SNTG1: variants seen among roughly 807,000 people sequenced by gnomAD.
The protein encoded by SNTG1 is syntrophin gamma 1, also known as gamma-1-syntrophin.
SNTG1 carries 39 observed loss-of-function variants against 74.7 expected under a neutral mutation model. The observed-to-expected ratio is 0.52, with a 90% CI of 0.40 to 0.68. The LOEUF (loss-of-function observed/expected upper bound fraction) is 0.68. Among genes scored for constraint, SNTG1 ranks in the 30% least tolerant of loss-of-function variants. The pLI is 0.00. For synonymous variants in SNTG1, 254 were observed against 217.1 expected, an observed-to-expected ratio of 1.17 and a Z score of -1.49; for missense variants, 685 against 609.5, an observed-to-expected ratio of 1.12 and a Z score of -1.30.
In SNTG1 at chr8:50,410,530, G is replaced by T. The variant is rs368249583; in HGVS notation, c.162+8186G>T. ...AGGTGTATAATATGATGACTTGATA[G>T]ATATATATACATACACATTGTGTAA... On this transcript the variant is annotated intron_variant, in intron 4 of 18. Coordinates refer to ENST00000642720, the MANE Select transcript of SNTG1 (RefSeq NM_018967.5). Among the ~76,000 whole-genome samples the T allele has an allele frequency of 3.4e-4, 52 of 152,002 alleles. No individual in the cohort carries two copies. The East Asian group carries it at 8.1e-3, about 24-fold the overall frequency.
intron 11 of SNTG1, among the ~76,000 whole-genome samples, chr8:50,541,992 CAG>C (rs2094350604): frequency 6.8e-6 from 1 of 147,814 alleles, no homozygotes; most frequent in South Asian, 2.1e-4. Flanking sequence ...CTGCAAATGA[CAG>C]AATTTCATTT....
chr8:50,561,952 C>G (rs561045208), intron 12 of SNTG1, among the ~76,000 whole-genome samples: 1 of 152,230 alleles, frequency 6.6e-6, no homozygotes, highest in East Asian at 1.9e-4. Context: ...TCCTTAGGGT[C>G]AAAATAGTCC....
intron 2 of SNTG1, among the ~76,000 whole-genome samples, chr8:50,317,521 G>T (rs553444669): frequency 1.3e-5 from 2 of 152,322 alleles, no homozygotes; most frequent in Non-Finnish European, 2.9e-5. Flanking sequence ...GCAATGTGAA[G>T]AATAGTCAGG....
At chr8:50,126,119 G>A (rs1035867691) in intron 1 of SNTG1, among the ~76,000 whole-genome samples, 1 of 152,102 alleles carries the variant, frequency 6.6e-6, no homozygotes, top group Non-Finnish European at 1.5e-5. Flanking sequence ...CACTGAGAAA[G>A]GTGAAGTGAA....
At chr8:50,454,372 C>T (rs1245138441) in intron 8 of SNTG1, among the ~76,000 whole-genome samples, 2 of 151,952 alleles carry the variant, frequency 1.3e-5, no homozygotes, top group Non-Finnish European at 2.9e-5. Flanking sequence ...TGGCATGCAC[C>T]TGTAACCCCA....
At chr8:50,648,237 C>T (rs999557344) in intron 13 of SNTG1, among the ~76,000 whole-genome samples, 4 of 152,076 alleles carry the variant, frequency 2.6e-5, no homozygotes, top group African/African-American at 4.8e-5. Context: ...AAACTGCATA[C>T]AGTGATGATA....
intron 1 of SNTG1, among the ~76,000 whole-genome samples, chr8:49,938,964 C>T (rs1472893970): frequency 6.6e-6 from 1 of 151,982 alleles, no homozygotes; most frequent in Non-Finnish European, 1.5e-5. Flanking sequence ...TTTTACCAGT[C>T]TGTCTCCTAG....
chr8:50,324,148 G>A (rs903026669), intron 2 of SNTG1, among the ~76,000 whole-genome samples: 1 of 152,164 alleles, frequency 6.6e-6, no homozygotes, highest in African/African-American at 2.4e-5. Context: ...CAACTGCTGG[G>A]ATGGGCCATT....
At chr8:50,561,727 G>A (rs1039125944) in intron 12 of SNTG1, among the ~76,000 whole-genome samples, 3 of 152,074 alleles carry the variant, frequency 2.0e-5, no homozygotes, top group Non-Finnish European at 2.9e-5. Context: ...AATAGATTAC[G>A]GAATCAGAAG....
At position 50,650,368 on chromosome 8, in the gene SNTG1, C is replaced by T. The variant is rs2095137365; in HGVS notation, c.850-6541C>T. On this transcript the variant is annotated intron_variant, in intron 13 of 18. Coordinates refer to ENST00000642720, the MANE Select transcript of SNTG1 (RefSeq NM_018967.5). Reference sequence around the variant, plus strand: ...TAAAGAATGATTTAAATGTAAATTTCCCTTTTTATAAATATTCTTGTCAGG... The same window carrying T: ...TAAAGAATGATTTAAATGTAAATTTTCCTTTTTATAAATATTCTTGTCAGG... Among the ~76,000 whole-genome samples the T allele has an allele frequency of 2.6e-5, 4 of 152,068 alleles. No homozygotes were observed. The South Asian group carries it at 8.3e-4, about 32-fold the overall frequency.
intron 15 of SNTG1, among the ~76,000 whole-genome samples, chr8:50,701,753 T>C (rs1175645174): frequency 2.4e-5 from 2 of 83,880 alleles, no homozygotes; most frequent in Non-Finnish European, 4.7e-5. Context: ...TTCTCCTTCT[T>C]CTCCTTCTTC....
intron 1 of SNTG1, among the ~76,000 whole-genome samples, chr8:50,058,734 TTGTGTGTGTGTGTGTG>T (rs71235777): frequency 6.9e-6 from 1 of 145,762 alleles, no homozygotes; most frequent in East Asian, 2.0e-4. Context: ...TTACTTACAT[TTGTGTGTGTGTGTGTG>T]TGTGTGTGTG....
At chr8:50,626,782 A>G (rs150237190) in intron 13 of SNTG1, among the ~76,000 whole-genome samples, 6,536 of 152,182 alleles carry the variant, frequency 0.043, 238 homozygotes, top group African/African-American at 0.094. Context: ...TGTCATGGCC[A>G]TCAGGAACAT....
chr8:50,595,475 G>A (rs1191243862), intron 13 of SNTG1, among the ~76,000 whole-genome samples: 1 of 151,918 alleles, frequency 6.6e-6, no homozygotes, highest in Non-Finnish European at 1.5e-5. Flanking sequence ...ATGTATTACA[G>A]TTAAAATAAA....
chr8:50,318,662 A>T (rs1362106892), intron 2 of SNTG1, among the ~76,000 whole-genome samples: 1 of 152,194 alleles, frequency 6.6e-6, no homozygotes, highest in Non-Finnish European at 1.5e-5. Flanking sequence ...GATTTGAGAA[A>T]CTGAAGCTTT....
intron 4 of SNTG1, among the ~76,000 whole-genome samples, chr8:50,408,779 A>T (rs1244650696): frequency 1.3e-5 from 2 of 152,174 alleles, no homozygotes; most frequent in African/African-American, 4.8e-5. Flanking sequence ...GAATTCCTGG[A>T]CATATTGTAG....
At chr8:50,345,365 C>T (rs1325512672) in intron 2 of SNTG1, among the ~76,000 whole-genome samples, 2 of 152,080 alleles carry the variant, frequency 1.3e-5, no homozygotes, top group Non-Finnish European at 2.9e-5. Flanking sequence ...TTAGTGCCTG[C>T]GAGTGGTCCA....
chr8:49,916,496 A>T (rs904330941), intron 1 of SNTG1, among the ~76,000 whole-genome samples: 1 of 152,152 alleles, frequency 6.6e-6, no homozygotes, highest in Admixed American at 6.6e-5. Flanking sequence ...TCACTTCATC[A>T]TATGTAATGT....
intron 1 of SNTG1, among the ~76,000 whole-genome samples, chr8:49,980,763 G>C (rs1280684225): frequency 6.6e-6 from 1 of 151,914 alleles, no homozygotes; most frequent in Non-Finnish European, 1.5e-5. Flanking sequence ...TACTGAAAAA[G>C]TAAAAATTCA....
Sources: gnomAD v4.1 joint callset for allele counts (sites outside exome capture counted in the v4.1 genomes callset) on GRCh38, gnomAD v4.1.1 for gene constraint, MANE v1.5 for transcripts, NCBI Gene and HGNC (gene_info 2026-07-23, HGNC 2026-07-21) for gene names.